The following DPP10 variants were observed in gnomAD, a reference collection of about 807,000 sequenced individuals.
The protein encoded by DPP10 is inactive dipeptidyl peptidase 10.
Under a neutral mutation model 120.9 loss-of-function variants are expected in DPP10, and 33 were observed. The observed-to-expected ratio is 0.27, with a 90% CI of 0.21 to 0.37. The LOEUF (loss-of-function observed/expected upper bound fraction) is 0.37, where lower values mean the gene tolerates loss of function less well. Ranked by LOEUF, DPP10 falls within the 10% of genes least tolerant of loss-of-function variation. DPP10 has a pLI of 1.00. For missense variants in DPP10, 816 were observed against 942.8 expected, an observed-to-expected ratio of 0.87 and a Z score of 1.76; for synonymous variants, 337 against 326.1, an observed-to-expected ratio of 1.03 and a Z score of -0.36.
At chr2:115,284,923 TC>T (rs1343923852) in intron 1 of DPP10, among the ~76,000 whole-genome samples, 2 of 152,066 alleles carry the variant, frequency 1.3e-5, no homozygotes, top group Admixed American at 6.6e-5. Flanking sequence ...ATTATCAGCT[TC>T]TTAATGATGT....
intron 1 of DPP10, among the ~76,000 whole-genome samples, chr2:114,681,237 T>C (rs1699007564): frequency 6.6e-6 from 1 of 152,016 alleles, no homozygotes; most frequent in African/African-American, 2.4e-5. Context: ...ATACAGTGCA[T>C]AGTCCATTAC....
At chr2:115,470,023 T>A (rs1674317737) in intron 3 of DPP10, among the ~76,000 whole-genome samples, 1 of 152,154 alleles carries the variant, frequency 6.6e-6, no homozygotes, top group Admixed American at 6.6e-5. Context: ...TGTTTTAAGA[T>A]GAAGAATCCT....
chr2:115,162,339 G>T (rs1002592381), intron 1 of DPP10: 1 of 1,440,188 alleles, frequency 6.9e-7, no homozygotes, highest in Admixed American at 2.8e-5. Context: ...AGGCGGCCGG[G>T]ACCAAGGAAT....
intron 1 of DPP10, among the ~76,000 whole-genome samples, chr2:114,789,251 A>G (rs1388783720): frequency 2.0e-5 from 3 of 152,250 alleles, no homozygotes; most frequent in African/African-American, 7.2e-5. Flanking sequence ...CTCTCTTACC[A>G]GAGTAACAGG....
At chr2:115,690,210 ACTTTC>A (rs1206464201) in intron 7 of DPP10, among the ~76,000 whole-genome samples, 1 of 152,186 alleles carries the variant, frequency 6.6e-6, no homozygotes, top group Admixed American at 6.5e-5. Context: ...TGTACTGCAT[ACTTTC>A]CATTACATAA....
Position 114,635,188 on chromosome 2 carries a change from T to C in DPP10, c.60+192350T>C, listed in dbSNP as rs530762831. ...ATGCTCCTCATGTTTTAAAGAATTT[T>C]TATTCTGTGTTGAACACAAAGAAGT... On this transcript the variant is annotated intron_variant, in intron 1 of 25. Transcript: ENST00000410059. 2.0e-5 allele frequency among the ~76,000 whole-genome samples: 3 copies of C among 152,042 alleles called. No homozygotes were observed. The East Asian group carries it at 5.8e-4, about 29-fold the overall frequency.
At chr2:114,948,799 C>T (rs1283453881) in intron 1 of DPP10, among the ~76,000 whole-genome samples, 1 of 152,140 alleles carries the variant, frequency 6.6e-6, no homozygotes, top group Non-Finnish European at 1.5e-5. Context: ...GTTTAACTGA[C>T]TGACAGTTCT....
intron 1 of DPP10, among the ~76,000 whole-genome samples, chr2:115,036,589 C>T (rs1172688652): frequency 6.6e-6 from 1 of 152,110 alleles, no homozygotes; most frequent in Non-Finnish European, 1.5e-5. Context: ...GAGATGCTTG[C>T]TCTTATTTTC....
At chr2:115,372,686 G>A (rs2106407993) in intron 3 of DPP10, among the ~76,000 whole-genome samples, 1 of 152,316 alleles carries the variant, frequency 6.6e-6, no homozygotes, top group Admixed American at 6.5e-5. Flanking sequence ...TCAGAGACCA[G>A]ATTGCTGACC....
intron 13 of DPP10, among the ~76,000 whole-genome samples, chr2:115,770,333 T>A (rs1376612128): frequency 6.6e-6 from 1 of 152,124 alleles, no homozygotes; most frequent in Non-Finnish European, 1.5e-5. Context: ...CAAATTCCTG[T>A]ATTTCTGAAA....
At chr2:115,504,436 C>T (rs1007575654) in intron 4 of DPP10, among the ~76,000 whole-genome samples, 1 of 151,896 alleles carries the variant, frequency 6.6e-6, no homozygotes, top group Non-Finnish European at 1.5e-5. Flanking sequence ...GCATGTCCTT[C>T]CCCTCGCTAT....
chr2:115,304,678 A>C (rs1395450357), intron 1 of DPP10, among the ~76,000 whole-genome samples: 1 of 152,084 alleles, frequency 6.6e-6, no homozygotes, highest in Admixed American at 6.6e-5. Context: ...GTACAAATGG[A>C]ATACTATTTC....
At chr2:115,003,745 C>A (rs1574674433) in intron 1 of DPP10, among the ~76,000 whole-genome samples, 1 of 152,006 alleles carries the variant, frequency 6.6e-6, no homozygotes, top group East Asian at 1.9e-4. Flanking sequence ...TAGATATTGA[C>A]CAAAATTTTT....
chr2:115,365,782 A>G (rs963694211), intron 3 of DPP10, among the ~76,000 whole-genome samples: 7 of 152,038 alleles, frequency 4.6e-5, no homozygotes, highest in African/African-American at 1.2e-4. Flanking sequence ...GCTAAATTGG[A>G]TTCATATCTA....
chr2:115,174,294 G>A (rs1467636288), intron 1 of DPP10, among the ~76,000 whole-genome samples: 2 of 152,176 alleles, frequency 1.3e-5, no homozygotes, highest in Non-Finnish European at 1.5e-5. Context: ...ATGAGAAAAT[G>A]TGGTTCTCGT....
At chr2:114,637,914 A>G (rs1337044496) in intron 1 of DPP10, among the ~76,000 whole-genome samples, 2 of 151,828 alleles carry the variant, frequency 1.3e-5, no homozygotes, top group Non-Finnish European at 2.9e-5. Flanking sequence ...GAAGTTGGGT[A>G]GGGTGATGTC....
chr2:114,873,958 C>T (rs551456698), intron 1 of DPP10, among the ~76,000 whole-genome samples: 33 of 152,280 alleles, frequency 2.2e-4, no homozygotes, highest in East Asian at 9.7e-4. Context: ...ACCTGCTCAA[C>T]GAACTCAATC....
chr2:115,605,983 T>C (rs898582798), intron 5 of DPP10, among the ~76,000 whole-genome samples: 2 of 152,128 alleles, frequency 1.3e-5, no homozygotes, highest in South Asian at 2.1e-4. Flanking sequence ...CTAGATGATA[T>C]TGTGTCTTTC....
intron 1 of DPP10, among the ~76,000 whole-genome samples, chr2:114,632,513 T>G (rs1321900520): frequency 1.1e-4 from 14 of 132,026 alleles, no homozygotes; most frequent in African/African-American, 3.9e-4. Flanking sequence ...GTTTTTTTTT[T>G]TTTTTTTTTT....
Sources: gnomAD v4.1 joint callset for allele counts (sites outside exome capture counted in the v4.1 genomes callset) on GRCh38, gnomAD v4.1.1 for gene constraint, MANE v1.5 for transcripts, NCBI Gene and HGNC (gene_info 2026-07-23, HGNC 2026-07-21) for gene names.